POMT2: variants seen among roughly 807,000 people sequenced by gnomAD.
POMT2 encodes protein O-mannosyltransferase 2.
POMT2 carries 75 observed loss-of-function variants against 100.0 expected under a neutral mutation model. That is an observed-to-expected ratio of 0.75 (90% confidence interval 0.62 to 0.91). The LOEUF is 0.91. Ranked by LOEUF, POMT2 falls within the 40% of genes least tolerant of loss-of-function variation. The pLI, the probability that POMT2 is intolerant of heterozygous loss-of-function variation, is 0.00. For missense variants in POMT2, 940 were observed against 955.1 expected (o/e 0.98, Z 0.21); for synonymous variants, 378 against 374.1 (o/e 1.01, Z -0.12).
At chr14:77,303,025 A>G (rs1738383935) in intron 4 of POMT2, 82 bp from the exon 5 acceptor site, 5 of 1,023,942 alleles carry the variant, frequency 4.9e-6, no homozygotes, top group South Asian at 1.4e-5. Context: ...AGTAGGAAAC[A>G]GTCCCTCTTG....
intron 1 of POMT2, among the ~76,000 whole-genome samples, chr14:77,315,587 C>T (rs1390627112): frequency 6.6e-6 from 1 of 152,192 alleles, no homozygotes; most frequent in African/African-American, 2.4e-5. Flanking sequence ...ATACTGATCC[C>T]ATAAGTGTCG....
chr14:77,278,922 C>G (rs1890094589), intron 18 of POMT2, 53 bp from the exon 19 acceptor site: 1 of 1,581,092 alleles, frequency 6.3e-7, no homozygotes, highest in Admixed American at 1.7e-5. Flanking sequence ...GCAGAGATTC[C>G]AGGCTCTGGT....
intron 2 of POMT2, among the ~76,000 whole-genome samples, chr14:77,311,038 C>G (rs1053455145): frequency 2.0e-5 from 3 of 152,190 alleles, no homozygotes; most frequent in African/African-American, 7.2e-5. Flanking sequence ...GAGGCTGAAG[C>G]AAGAGAATCA....
At chr14:77,300,210 C>T in intron 6 of POMT2, 1 of 160,844 alleles carries the variant, frequency 6.2e-6, no homozygotes, top group Non-Finnish European at 1.4e-5. Context: ...TTGTTAGGAG[C>T]TGGTTTGGAG....
chr14:77,277,519 C>A, intron 20 of POMT2, 38 bp from the exon 21 acceptor site: 1 of 1,453,542 alleles, frequency 6.9e-7, no homozygotes, highest in Non-Finnish European at 9.7e-7. Context: ...TTGGCACCCC[C>A]AGTGCCTCAG....
chr14:77,288,713 C>T, intron 11 of POMT2, 49 bp downstream of exon 11: 1 of 1,505,186 alleles, frequency 6.6e-7, no homozygotes, highest in Non-Finnish European at 9.2e-7. Flanking sequence ...ATAACTCCCT[C>T]CCCTTGGTGC....
At chr14:77,313,853 G>A (rs1891529644) in intron 1 of POMT2, among the ~76,000 whole-genome samples, 4 of 151,966 alleles carry the variant, frequency 2.6e-5, no homozygotes, top group South Asian at 2.1e-4. Context: ...GACTACAGGC[G>A]GCCGCCACCA....
intron 1 of POMT2, among the ~76,000 whole-genome samples, chr14:77,313,177 C>G (rs899926848): frequency 9.2e-5 from 14 of 152,134 alleles, no homozygotes; most frequent in African/African-American, 3.4e-4. Flanking sequence ...GTCATCAATC[C>G]CCAGGTCATG....
At chr14:77,288,578 G>A (rs1890523961) in intron 11 of POMT2, among the ~76,000 whole-genome samples, 184 bp downstream of exon 11, 1 of 152,186 alleles carries the variant, frequency 6.6e-6, no homozygotes, top group Admixed American at 6.5e-5. Context: ...AAGGTCCCCA[G>A]AAGGCAGGCA....
chr14:77,288,772 C>A lies in POMT2; in HGVS notation c.1243G>T (p.Glu415Ter), dbSNP rs1280088838. 1 of 1,613,786 alleles carries A rather than the reference C, an allele frequency of 6.2e-7. No individual in the cohort carries two copies. The highest frequency in any genetic ancestry group is 1.7e-5 in the Admixed American group (1 of 60,000). The part of the protein sequence containing the change: ...FVRHGDIIRL[E>*]HKETSRNLHS... ...TGCAAATTGACTTACTCTTTGTGTT[C>A]TAGTCGAATAATGTCTCCATGTCTT... The change falls in exon 11 of 21, where the codon GAA becomes TAA. Residue 415 changes from glutamate (E) to a stop codon, truncating the protein, a stop_gained. Transcript: ENST00000261534. LOFTEE classifies it high-confidence loss of function.
intron 2 of POMT2, among the ~76,000 whole-genome samples, chr14:77,310,552 C>T (rs1407517271): frequency 2.6e-5 from 4 of 152,140 alleles, no homozygotes; most frequent in Non-Finnish European, 4.4e-5. Flanking sequence ...TGTTCTACCT[C>T]GCTTCCCATC....
intron 1 of POMT2, among the ~76,000 whole-genome samples, chr14:77,317,981 G>A (rs1161161690): frequency 1.3e-5 from 2 of 152,194 alleles, no homozygotes; most frequent in Non-Finnish European, 2.9e-5. Context: ...AAGACATAAT[G>A]GGCCTCTGTC....
chr14:77,309,148 T>C (rs1400890758), intron 2 of POMT2, among the ~76,000 whole-genome samples: 1 of 152,236 alleles, frequency 6.6e-6, no homozygotes, highest in Non-Finnish European at 1.5e-5. Flanking sequence ...CATGTGTACA[T>C]ATATAAAAAC....
chr14:77,298,601 AC>A, intron 8 of POMT2, 87 bp downstream of exon 8: 3 of 1,425,262 alleles, frequency 2.1e-6, no homozygotes, highest in Non-Finnish European at 2.9e-6. Context: ...GGCTAAAATA[AC>A]CCAAAGCCAT....
chr14:77,289,123 G>T (rs552414765), intron 10 of POMT2, among the ~76,000 whole-genome samples: 1 of 151,904 alleles, frequency 6.6e-6, no homozygotes, highest in Non-Finnish European at 1.5e-5. Context: ...GGGCACAGTG[G>T]CTCACGCCTG....
At position 77,277,300 on chromosome 14, in the gene POMT2, C is replaced by G; in HGVS notation, c.*76G>C. On this transcript the variant is annotated 3_prime_UTR_variant, in exon 21 of 21. Coordinates refer to ENST00000261534, the MANE Select transcript of POMT2 (RefSeq NM_013382.7). Reference sequence around the variant, plus strand: ...GCTCCTTAGGCAGCTTCCTCATGGCCGGATGGTCCAGTACTGCTTCCCAGC... The same window carrying G: ...GCTCCTTAGGCAGCTTCCTCATGGCGGGATGGTCCAGTACTGCTTCCCAGC... 7 of 1,301,198 alleles carry G rather than the reference C, an allele frequency of 5.4e-6. No individual in the cohort carries two copies. The South Asian group carries it at 8.4e-5, about 16-fold the overall frequency. The allele number at this position is 1,301,198 out of a possible 1,614,324, so 80.6% of individuals were successfully genotyped here. A position where few individuals can be genotyped will look rare whatever the true frequency, so the allele number is the denominator to read the frequency against.
In POMT2 at chr14:77,276,607, A is replaced by G. The variant is rs1301327043; in HGVS notation, c.*769T>C. 1.3e-5 allele frequency: 2 copies of G among 152,626 alleles called. No individual in the cohort carries two copies. The highest frequency in any genetic ancestry group is 2.4e-5 in the African/African-American group (1 of 41,454). The allele number at this position is 152,626 out of a possible 1,614,324, so 9.5% of individuals were successfully genotyped here. On this transcript the variant is annotated 3_prime_UTR_variant, in exon 21 of 21. Coordinates refer to ENST00000261534, the MANE Select transcript of POMT2 (RefSeq NM_013382.7). ...AACACTGAGCAGCCCAGGATAGGAC[A>G]TCGTTCCTCCCGAGTGTCACAGTGT...
At chr14:77,286,286 A>G (rs1171943016) in intron 12 of POMT2, among the ~76,000 whole-genome samples, 1 of 152,206 alleles carries the variant, frequency 6.6e-6, no homozygotes, top group African/African-American at 2.4e-5. Context: ...TATTAGCTGC[A>G]TCTCCTTGAG....
At chr14:77,280,595 G>C in intron 15 of POMT2, 132 bp from the exon 16 acceptor site, 1 of 1,539,014 alleles carries the variant, frequency 6.5e-7, no homozygotes, top group Non-Finnish European at 8.8e-7. Context: ...CCCTTGCAGG[G>C]AAGAATCAGG....
Sources: allele counts gnomAD v4.1 joint callset (sites outside exome capture counted in the v4.1 genomes callset), GRCh38; gene constraint gnomAD v4.1.1; transcripts MANE v1.5; gene names NCBI Gene and HGNC (gene_info 2026-07-23, HGNC 2026-07-21).